The following RBL2 variants were observed in gnomAD, a reference collection of about 807,000 sequenced individuals.
RBL2 encodes the protein RB transcriptional corepressor like 2.
A neutral mutation model predicts 126.0 loss-of-function variants in RBL2; 56 were observed. That is an observed-to-expected ratio of 0.44 (90% CI 0.36 to 0.56). The LOEUF is 0.56. RBL2 is among the 20% of genes least tolerant of loss of function. The pLI is 0.00. For synonymous variants in RBL2, 454 were observed against 478.5 expected (o/e 0.95, Z 0.67); for missense variants, 1,229 against 1,398.2 (o/e 0.88, Z 1.93).
At chr16:53,440,125 G>A (rs540911058) in intron 2 of RBL2, among the ~76,000 whole-genome samples, 5 of 152,020 alleles carry the variant, frequency 3.3e-5, no homozygotes, top group East Asian at 3.9e-4. Flanking sequence ...GTGAAACCCC[G>A]TCTCAACTAA....
chr16:53,484,301 A>G (rs1273685570), intron 21 of RBL2, among the ~76,000 whole-genome samples: 6 of 152,236 alleles, frequency 3.9e-5, no homozygotes, highest in African/African-American at 7.2e-5. Context: ...AATTGGAATG[A>G]TAATACTCAA....
intron 1 of RBL2, among the ~76,000 whole-genome samples, chr16:53,435,897 C>T (rs1801767866): frequency 6.6e-6 from 1 of 151,922 alleles, no homozygotes; most frequent in Non-Finnish European, 1.5e-5. Context: ...CTTTAGAACC[C>T]GACAGACCTG....
intron 4 of RBL2, among the ~76,000 whole-genome samples, chr16:53,448,282 G>A (rs1379680804): frequency 2.7e-5 from 4 of 150,706 alleles, no homozygotes; most frequent in African/African-American, 7.3e-5. Flanking sequence ...TCAGCCTCCC[G>A]AGTAGCTGGG....
chr16:53,473,285 C>A (rs1960592147), intron 17 of RBL2, among the ~76,000 whole-genome samples: 2 of 151,788 alleles, frequency 1.3e-5, no homozygotes, highest in African/African-American at 4.8e-5. Flanking sequence ...GGGAGTATTG[C>A]CATCTTAACA....
intron 3 of RBL2, among the ~76,000 whole-genome samples, chr16:53,445,553 C>T (rs906170550): frequency 6.6e-6 from 1 of 152,140 alleles, no homozygotes; most frequent in Non-Finnish European, 1.5e-5. Context: ...AAATTAGCCG[C>T]AGAGAGGTTA....
intron 13 of RBL2, 53 bp downstream of exon 13, chr16:53,465,655 TTAA>T (rs1006416526): frequency 1.9e-5 from 25 of 1,342,414 alleles, no homozygotes; most frequent in Middle Eastern, 2.0e-4. Flanking sequence ...ATCTAATCTA[TTAA>T]TAATCCTTTT....
intron 14 of RBL2, among the ~76,000 whole-genome samples, chr16:53,467,533 A>G (rs964913543): frequency 1.3e-5 from 2 of 152,170 alleles, no homozygotes; most frequent in African/African-American, 4.8e-5. Context: ...GACTACAGGC[A>G]TGCGCCACCA....
intron 21 of RBL2, among the ~76,000 whole-genome samples, chr16:53,483,872 C>T (rs1245254124): frequency 6.0e-5 from 9 of 151,052 alleles, no homozygotes; most frequent in South Asian, 2.1e-4. Flanking sequence ...AGCAAGACTC[C>T]GTCTCCAAAG....
Position 53,453,688 on chromosome 16 carries a change from CTCT to C in RBL2, c.928-12_928-10del, listed in dbSNP as rs1567731890. On this transcript the variant is annotated splice_polypyrimidine_tract_variant and intron_variant, in intron 6 of 21. Transcript: ENST00000262133. ...TGATTTAACATGACGACTTAAGGATCTCTTCTTTCATCATAGCTCCTTAAGGGA... is the reference window on the plus strand; with the variant it reads ...TGATTTAACATGACGACTTAAGGATCTCTTTCATCATAGCTCCTTAAGGGA... 6.2e-7 allele frequency: 1 copy of C among 1,606,722 alleles called. No individual in the cohort carries two copies. The highest frequency in any genetic ancestry group is 2.2e-5 in the East Asian group (1 of 44,764).
chr16:53,478,479 G>A (rs1343417016), intron 17 of RBL2, among the ~76,000 whole-genome samples: 3 of 149,870 alleles, frequency 2.0e-5, no homozygotes, highest in African/African-American at 4.9e-5. Context: ...TTTCTCTGAG[G>A]CTGTTTTTCT....
At chr16:53,462,967 A>G (rs1264399428) in intron 11 of RBL2, among the ~76,000 whole-genome samples, 4 of 151,908 alleles carry the variant, frequency 2.6e-5, no homozygotes, top group Non-Finnish European at 4.4e-5. Flanking sequence ...CAGTCTCCCA[A>G]ATAGCTGGGA....
chr16:53,436,677 A>G (rs1340428407), intron 1 of RBL2, among the ~76,000 whole-genome samples: 1 of 152,110 alleles, frequency 6.6e-6, no homozygotes, highest in African/African-American at 2.4e-5. Flanking sequence ...GATTTCTTGT[A>G]TTTTCTGTGC....
At chr16:53,463,869 C>T (rs536347893) in intron 11 of RBL2, among the ~76,000 whole-genome samples, 3 of 152,014 alleles carry the variant, frequency 2.0e-5, no homozygotes, top group Non-Finnish European at 4.4e-5. Context: ...GCCCGGTCCC[C>T]CTTTCAGTTT....
chr16:53,461,362 A>G (rs978707750), intron 9 of RBL2, among the ~76,000 whole-genome samples: 2 of 152,140 alleles, frequency 1.3e-5, no homozygotes, highest in Non-Finnish European at 1.5e-5. Flanking sequence ...GCGTGGTGGC[A>G]GGTGCCTGCA....
intron 12 of RBL2, chr16:53,464,908 C>T (rs2058257652): frequency 6.6e-6 from 1 of 152,652 alleles, no homozygotes; most frequent in Non-Finnish European, 1.5e-5. Flanking sequence ...ATTCTCCTGC[C>T]TCAGCCTGCC....
intron 4 of RBL2, among the ~76,000 whole-genome samples, chr16:53,447,807 G>C (rs1377562862): frequency 6.6e-6 from 1 of 152,034 alleles, no homozygotes; most frequent in Non-Finnish European, 1.5e-5. Context: ...ACCATGCCCA[G>C]CTAATTTTTG....
At chr16:53,438,890 T>G in intron 1 of RBL2, 126 bp from the exon 2 acceptor site, 1 of 258,988 alleles carries the variant, frequency 3.9e-6, no homozygotes, top group Non-Finnish European at 7.0e-6. Context: ...TGAGATAGGG[T>G]CATCATTGAA....
chr16:53,460,842 T>C (rs143665659), intron 9 of RBL2, among the ~76,000 whole-genome samples: 24 of 152,306 alleles, frequency 1.6e-4, no homozygotes, highest in Non-Finnish European at 2.5e-4. Flanking sequence ...ATTATATATA[T>C]ATTTGTGATC....
rs1011151471 is a variant in RBL2, at chr16:53,434,775, G to T, written c.219G>T (p.Met73Ile). 24 of 1,519,318 alleles carry T rather than the reference G, an allele frequency of 1.6e-5. No individual in the cohort carries two copies. Among genetic ancestry groups the T allele is most frequent in the African/African-American group, 4.2e-5 (3 of 71,306 alleles). 94.1% of individuals were successfully genotyped at this position (1,519,318 alleles called of 1,614,324 possible). A position where few individuals can be genotyped will look rare whatever the true frequency, so the allele number is the denominator to read the frequency against. ...AGGCCTGGGACAGCTACCGCAGCATGAGCGAAAGCTACACGCTGGAGGTGC... is the reference window on the plus strand; with the variant it reads ...AGGCCTGGGACAGCTACCGCAGCATTAGCGAAAGCTACACGCTGGAGGTGC... ...RAEAWDSYRS[M>I]SESYTLEGND... The change falls in exon 1 of 22, where the codon ATG becomes ATT. Residue 73 changes from methionine to isoleucine, a missense_variant. By Grantham distance (10) the Met-to-Ile change is conservative (BLOSUM62 1). This residue lies in a region of RBL2 where 159 missense variants were observed against 123.9 expected (regional missense o/e 1.28). Transcript: ENST00000262133.
Sources: allele counts gnomAD v4.1 joint callset (sites outside exome capture counted in the v4.1 genomes callset), GRCh38; gene constraint gnomAD v4.1.1; regional missense constraint gnomAD v4.1.1; transcripts MANE v1.5; gene names NCBI Gene and HGNC (gene_info 2026-07-23, HGNC 2026-07-21).